Variants in PPP1R42 observed in about 807,000 individuals in gnomAD.
PPP1R42 encodes the protein leucine rich repeat containing 67.
A neutral mutation model predicts 31.0 loss-of-function variants in PPP1R42; 34 were observed. The ratio of observed to expected loss-of-function variants is 1.10; its 90% CI spans 0.83 to 1.46. The LOEUF (loss-of-function observed/expected upper bound fraction) is 1.46. Ranked by LOEUF, PPP1R42 falls within the 40% of genes most tolerant of loss-of-function variation. The probability of loss-of-function intolerance (pLI) is 0.00; values close to 1 mark genes in which losing one functional copy is unlikely to be tolerated. For missense variants in PPP1R42, 268 were observed against 303.0 expected, an observed-to-expected ratio of 0.88 and a Z score of 0.86; for synonymous variants, 103 against 109.8, an observed-to-expected ratio of 0.94 and a Z score of 0.39.
At chr8:67,019,836 C>T (rs999362285) in intron 1 of PPP1R42, among the ~76,000 whole-genome samples, 4 of 151,186 alleles carry the variant, frequency 2.6e-5, no homozygotes, top group Admixed American at 2.6e-4. Flanking sequence ...TGTAGTGAGC[C>T]GAGATCACGC....
chr8:66,977,471 G>A (rs1814710976), intron 7 of PPP1R42, among the ~76,000 whole-genome samples: 2 of 151,998 alleles, frequency 1.3e-5, no homozygotes, highest in African/African-American at 4.8e-5. Context: ...CTGAGTAGCT[G>A]GGACTACAGG....
intron 5 of PPP1R42, among the ~76,000 whole-genome samples, chr8:66,996,336 G>A (rs1815334504): frequency 6.6e-6 from 1 of 152,230 alleles, no homozygotes; most frequent in Non-Finnish European, 1.5e-5. Flanking sequence ...ACAGATGTGA[G>A]CCACTGCACC....
intron 6 of PPP1R42, chr8:66,985,731 A>AG (rs1284598358): frequency 3.9e-6 from 5 of 1,295,838 alleles, no homozygotes; most frequent in Non-Finnish European, 5.6e-6. Context: ...GCTGAGGTGT[A>AG]GGGGGGCTAA....
At chr8:67,006,220 T>C (rs954424901) in intron 5 of PPP1R42, among the ~76,000 whole-genome samples, 4 of 152,368 alleles carry the variant, frequency 2.6e-5, no homozygotes, top group African/African-American at 9.6e-5. Flanking sequence ...CAGATCTCAA[T>C]GTAAATGTCA....
intron 7 of PPP1R42, among the ~76,000 whole-genome samples, chr8:66,977,363 G>T (rs1814707644): frequency 6.7e-6 from 1 of 149,086 alleles, no homozygotes; most frequent in Non-Finnish European, 1.5e-5. Context: ...TAAGAGACAG[G>T]GTCTTGCTCT....
chr8:66,975,658 T>A (rs901559696), intron 7 of PPP1R42, among the ~76,000 whole-genome samples: 2 of 151,934 alleles, frequency 1.3e-5, no homozygotes, highest in African/African-American at 4.8e-5. Flanking sequence ...AAAAGATGGT[T>A]TTTGTTAGTT....
intron 2 of PPP1R42, among the ~76,000 whole-genome samples, chr8:67,015,180 G>A (rs768167944): frequency 1.3e-5 from 2 of 151,566 alleles, no homozygotes; most frequent in East Asian, 1.9e-4. Context: ...CACCATGCCC[G>A]GCTAATTTTT....
At chr8:67,010,545 G>C in intron 5 of PPP1R42, 170 bp downstream of exon 5, 1 of 567,950 alleles carries the variant, frequency 1.8e-6, no homozygotes, top group Non-Finnish European at 3.0e-6. Context: ...CTAAATAAGA[G>C]GACAGAATTA....
intron 7 of PPP1R42, among the ~76,000 whole-genome samples, chr8:66,979,376 T>C (rs1211788519): frequency 6.6e-6 from 1 of 152,160 alleles, no homozygotes; most frequent in African/African-American, 2.4e-5. Context: ...CTACAAAAAA[T>C]ATTTTAAAAT....
At chr8:66,980,487 C>G (rs1436686151) in intron 7 of PPP1R42, among the ~76,000 whole-genome samples, 2 of 152,122 alleles carry the variant, frequency 1.3e-5, no homozygotes, top group Admixed American at 6.6e-5. Context: ...CCTCAGCCTC[C>G]CAAAGTACTA....
At chr8:67,005,272 A>G (rs192572434) in intron 5 of PPP1R42, among the ~76,000 whole-genome samples, 13 of 152,038 alleles carry the variant, frequency 8.6e-5, no homozygotes, top group Non-Finnish European at 1.0e-4. Context: ...TAACCATTCA[A>G]TATCATTCAG....
intron 7 of PPP1R42, chr8:66,968,550 T>C (rs1814449193): frequency 1.1e-6 from 1 of 913,582 alleles, no homozygotes; most frequent in Non-Finnish European, 1.3e-6. Context: ...GGGGTAGCTT[T>C]AATCAATTTT....
At chr8:66,976,921 AG>A (rs1814692748) in intron 7 of PPP1R42, among the ~76,000 whole-genome samples, 1 of 152,094 alleles carries the variant, frequency 6.6e-6, no homozygotes, top group African/African-American at 2.4e-5. Flanking sequence ...ATAGATGGTC[AG>A]TAGTGGGATT....
chr8:67,013,269 A>G (rs1284812696), intron 3 of PPP1R42, among the ~76,000 whole-genome samples, 173 bp from the exon 4 acceptor site: 1 of 152,146 alleles, frequency 6.6e-6, no homozygotes, highest in Admixed American at 6.5e-5. Flanking sequence ...AACAAATTAT[A>G]TTCTTACACT....
chr8:67,020,671 G>GCA (rs1374007429), intron 1 of PPP1R42, among the ~76,000 whole-genome samples: 1 of 152,226 alleles, frequency 6.6e-6, no homozygotes, highest in Non-Finnish European at 1.5e-5. Flanking sequence ...AGAGTGTTCT[G>GCA]CACAGTACCT....
chr8:66,984,636 A>G, intron 6 of PPP1R42: 1 of 1,349,598 alleles, frequency 7.4e-7, no homozygotes, highest in Non-Finnish European at 1.1e-6. Context: ...TAAGCTTTTA[A>G]ATTTTCTTGA....
At chr8:66,986,444 C>T (rs546143438) in intron 6 of PPP1R42, among the ~76,000 whole-genome samples, 1 of 152,262 alleles carries the variant, frequency 6.6e-6, no homozygotes, top group East Asian at 1.9e-4. Flanking sequence ...AAACCGGAAC[C>T]AGAAACCTTC....
chr8:66,964,962 G>C (rs974136000), intron 7 of PPP1R42, among the ~76,000 whole-genome samples: 1 of 152,054 alleles, frequency 6.6e-6, no homozygotes, highest in African/African-American at 2.4e-5. Flanking sequence ...CCAGTTTCTG[G>C]CAACTACTGA....
intron 1 of PPP1R42, among the ~76,000 whole-genome samples, chr8:67,026,102 G>A (rs190869556): frequency 2.0e-5 from 3 of 152,136 alleles, no homozygotes; most frequent in African/African-American, 2.4e-5. Context: ...TTGGGAGGCC[G>A]AGGTGGGTGG....
Sources: allele counts gnomAD v4.1 joint callset (sites outside exome capture counted in the v4.1 genomes callset), GRCh38; gene constraint gnomAD v4.1.1; transcripts MANE v1.5; gene names NCBI Gene and HGNC (gene_info 2026-07-23, HGNC 2026-07-21).